BDH1: variants seen among roughly 807,000 people sequenced by gnomAD.
BDH1 encodes 3-hydroxybutyrate dehydrogenase 1, also known as D-beta-hydroxybutyrate dehydrogenase, mitochondrial.
A neutral mutation model predicts 33.1 loss-of-function variants in BDH1; 30 were observed. The observed-to-expected ratio is 0.91, with a 90% CI of 0.68 to 1.23. The LOEUF (loss-of-function observed/expected upper bound fraction) is 1.23, where lower values mean the gene tolerates loss of function less well. Ranked by LOEUF, BDH1 falls within the 50% of genes most tolerant of loss-of-function variation. The pLI is 0.00. For synonymous variants in BDH1, 190 were observed against 183.6 expected (o/e 1.03, Z -0.28); for missense variants, 443 against 464.4 (o/e 0.95, Z 0.42).
chr3:197,568,301 T>G (rs1483990153), intron 1 of BDH1, among the ~76,000 whole-genome samples: 4 of 152,098 alleles, frequency 2.6e-5, no homozygotes, highest in Admixed American at 2.6e-4. Flanking sequence ...GTTTTTTTTT[T>G]TTGGCTGGAA....
rs769092214 is a variant in BDH1, at chr3:197,522,592, T to C, written c.409+48A>G. The C allele has an allele frequency of 2.2e-5, 36 of 1,607,546 alleles. No homozygotes were observed. The East Asian group carries it at 7.1e-4, about 32-fold the overall frequency. The stretch of plus-strand genomic sequence containing the variant: ...GAAGGTGGTGTTCGGCAAGTGCCCC[T>C]TGGAATGGCCCCATACACAACCCCT... On this transcript the variant is annotated intron_variant, in intron 6 of 7. Coordinates refer to ENST00000392379, the MANE Select transcript of BDH1 (RefSeq NM_203314.3). This position sits in a 1 kb window ranked among gnomAD's most constrained non-coding sequence, Gnocchi z 4.8.
At chr3:197,567,256 G>A (rs1717462877) in intron 1 of BDH1, among the ~76,000 whole-genome samples, 1 of 152,136 alleles carries the variant, frequency 6.6e-6, no homozygotes, top group African/African-American at 2.4e-5. Context: ...GAAAAGGAGG[G>A]AAACGTGAAA....
In BDH1 at chr3:197,520,624, A is replaced by G. The variant is rs1304614732; in HGVS notation, c.409+2016T>C. On this transcript the variant is annotated intron_variant, in intron 6 of 7. Coordinates refer to ENST00000392379, the MANE Select transcript of BDH1 (RefSeq NM_203314.3). This position sits in a 1 kb window ranked among gnomAD's most constrained non-coding sequence, Gnocchi z 6.0. ...GGGTCTCCGGTGATGACGCCTTTCCACGGGCATTTTAGATCACCACAAAAC... is the reference window on the plus strand; with the variant it reads ...GGGTCTCCGGTGATGACGCCTTTCCGCGGGCATTTTAGATCACCACAAAAC... Among the ~76,000 whole-genome samples, 1 of 152,092 alleles carries G rather than the reference A, an allele frequency of 6.6e-6. No homozygotes were observed. Among genetic ancestry groups the G allele is most frequent in the African/African-American group, 2.4e-5 (1 of 41,414 alleles).
intron 1 of BDH1, chr3:197,555,476 G>A (rs540619345): frequency 9.2e-5 from 14 of 152,400 alleles, no homozygotes; most frequent in African/African-American, 3.1e-4. Context: ...GGAGCTGCAG[G>A]GCCGCGTGTT....
chr3:197,531,321 G>A (rs180720572), intron 5 of BDH1, among the ~76,000 whole-genome samples: 562 of 151,624 alleles, frequency 3.7e-3, no homozygotes, highest in African/African-American at 0.011. Flanking sequence ...ACTTGAACCC[G>A]GGAGGCAGAG....
chr3:197,547,569 T>C (rs1425096643), intron 2 of BDH1, among the ~76,000 whole-genome samples: 1 of 152,254 alleles, frequency 6.6e-6, no homozygotes. Flanking sequence ...GGTGTTACCT[T>C]TCCAGAACTA....
chr3:197,514,675 C>G lies in BDH1; in HGVS notation c.410-259G>C, dbSNP rs1712498443. ...GCCTGGCTCGAGTCTCTGGGCCCAT[C>G]ATGACCCAGCCTGCCGTGTCCCCCG... On this transcript the variant is annotated intron_variant, in intron 6 of 7. Coordinates refer to ENST00000392379, the MANE Select transcript of BDH1 (RefSeq NM_203314.3). This position sits in a 1 kb window ranked among gnomAD's most constrained non-coding sequence, Gnocchi z 4.2. 6.6e-6 allele frequency among the ~76,000 whole-genome samples: 1 copy of G among 152,184 alleles called. No homozygotes were observed. The highest frequency in any genetic ancestry group is 1.5e-5 in the Non-Finnish European group (1 of 68,026).
intron 5 of BDH1, among the ~76,000 whole-genome samples, chr3:197,524,523 G>T (rs34255245): frequency 2.0e-5 from 3 of 152,216 alleles, no homozygotes; most frequent in Non-Finnish European, 2.9e-5. Flanking sequence ...GGGGCCGGAG[G>T]TGCTGGACGT....
Position 197,522,507 on chromosome 3 carries a change from TGC to T in BDH1, c.409+131_409+132del. Reference sequence around the variant, plus strand: ...TAGTGTAATCCTCTTCCTCCTACTGTGCAGGAGGAAGAGCCTAAACAATAAGG... The same window carrying T: ...TAGTGTAATCCTCTTCCTCCTACTGTAGGAGGAAGAGCCTAAACAATAAGG... On this transcript the variant is annotated intron_variant, in intron 6 of 7. Coordinates refer to ENST00000392379, the MANE Select transcript of BDH1 (RefSeq NM_203314.3). The surrounding 1 kb of genome is among the most constrained non-coding windows in gnomAD (Gnocchi z 4.8). 2.2e-5 allele frequency: 24 copies of T among 1,113,632 alleles called. No individual in the cohort carries two copies. The highest frequency in any genetic ancestry group is 3.0e-5 in the Non-Finnish European group (23 of 769,504). 69.0% of individuals were successfully genotyped at this position (1,113,632 alleles called of 1,614,324 possible). A position where few individuals can be genotyped will look rare whatever the true frequency, so the allele number is the denominator to read the frequency against.
In BDH1 at chr3:197,522,639, C is replaced by T. The variant is rs1167959791; in HGVS notation, c.409+1G>A. The T allele has an allele frequency of 2.5e-6, 4 of 1,614,036 alleles. No homozygotes were observed. Among genetic ancestry groups the T allele is most frequent in the Non-Finnish European group, 3.4e-6 (4 of 1,180,032 alleles). On this transcript the variant is annotated splice_donor_variant, in intron 6 of 7. Coordinates refer to ENST00000392379, the MANE Select transcript of BDH1 (RefSeq NM_203314.3). LOFTEE classifies it high-confidence loss of function. The surrounding 1 kb of genome is among the most constrained non-coding windows in gnomAD (Gnocchi z 4.8). ...CCCTGCCGTCCGAAGGGGCGCCCTA[C>T]CTTTCTCAGGGTCCTTCAGGCTCGA...
intron 2 of BDH1, among the ~76,000 whole-genome samples, chr3:197,553,989 G>A (rs1347792284): frequency 6.6e-6 from 1 of 152,174 alleles, no homozygotes; most frequent in Non-Finnish European, 1.5e-5. Flanking sequence ...GAGGACACAA[G>A]CTGAGCCCCC....
intron 1 of BDH1, among the ~76,000 whole-genome samples, chr3:197,562,182 T>C (rs145667669): frequency 0.023 from 3,486 of 152,332 alleles, 47 homozygotes; most frequent in Non-Finnish European, 0.034. Context: ...TACGGGTGGC[T>C]GAGCACAGTT....
chr3:197,570,918 G>A (rs1188185548), intron 1 of BDH1, among the ~76,000 whole-genome samples: 1 of 152,198 alleles, frequency 6.6e-6, no homozygotes, highest in Non-Finnish European at 1.5e-5. Flanking sequence ...CTGACAGCTT[G>A]CACCATGTGC....
chr3:197,534,462 C>G (rs776645409), intron 3 of BDH1, among the ~76,000 whole-genome samples: 1 of 152,144 alleles, frequency 6.6e-6, no homozygotes, highest in Non-Finnish European at 1.5e-5. Context: ...TGACAATTTG[C>G]TTAACTATTT....
chr3:197,556,527 G>A (rs981980203), upstream of BDH1, among the ~76,000 whole-genome samples: 9 of 152,192 alleles, frequency 5.9e-5, no homozygotes, highest in African/African-American at 2.2e-4. Context: ...AGTTAGCAGG[G>A]CGCGGTGGCG....
Position 197,512,383 on chromosome 3 carries a change from G to T in BDH1, c.563-19C>A. 6.3e-7 allele frequency: 1 copy of T among 1,589,434 alleles called. No individual in the cohort carries two copies. On this transcript the variant is annotated intron_variant, in intron 7 of 7. Transcript: ENST00000392379. The stretch of plus-strand genomic sequence containing the variant: ...ACGCGGCCTACAGAGGGAGACAGAG[G>T]TACCTGCTAAGCCGTTACTGCCCTA...
upstream of BDH1, among the ~76,000 whole-genome samples, chr3:197,558,527 A>T (rs1007139951): frequency 4.0e-5 from 6 of 150,196 alleles, no homozygotes; most frequent in African/African-American, 1.5e-4. Context: ...TCCCTATTTG[A>T]CTCTTCCCAG....
At position 197,522,640 on chromosome 3, in the gene BDH1, C is replaced by A; in HGVS notation, c.409G>T (p.Gly137Cys). The change falls in exon 6 of 8, where the codon GGC (glycine) becomes TGC (cysteine). Residue 137 changes from glycine to cysteine, a missense_variant and splice_region_variant. Physicochemically the swap from Gly to Cys is radical, Grantham distance 159 (BLOSUM62 -3). Transcript: ENST00000392379. This position sits in a 1 kb window ranked among gnomAD's most constrained non-coding sequence, Gnocchi z 4.8. ...VRSSLKDPEKGMWGLVNNAGI... is the reference protein window; with the variant it reads ...VRSSLKDPEKCMWGLVNNAGI... ...CCTGCCGTCCGAAGGGGCGCCCTAC[C>A]TTTCTCAGGGTCCTTCAGGCTCGAG... The A allele has an allele frequency of 6.2e-7, 1 of 1,614,158 alleles. No individual in the cohort carries two copies. The highest frequency in any genetic ancestry group is 8.5e-7 in the Non-Finnish European group (1 of 1,180,018).
chr3:197,562,167 A>G lies in BDH1; in HGVS notation c.-44+11014T>C, dbSNP rs925077162. Among the ~76,000 whole-genome samples the G allele has an allele frequency of 1.2e-4, 18 of 152,334 alleles. No individual in the cohort carries two copies. In the South Asian group the frequency reaches 2.5e-3, roughly 21 times the overall value. The stretch of plus-strand genomic sequence containing the variant: ...GCATGTAATGGCAGACGAGAACTAC[A>G]AAGTTACGGGTGGCTGAGCACAGTT... On this transcript the variant is annotated intron_variant, in intron 1 of 6. Coordinates refer to the BDH1 transcript ENST00000358186.
Sources: allele counts gnomAD v4.1 joint callset (sites outside exome capture counted in the v4.1 genomes callset), GRCh38; gene constraint gnomAD v4.1.1; non-coding constraint Gnocchi (gnomAD v3.1); transcripts MANE v1.5; gene names NCBI Gene and HGNC (gene_info 2026-07-23, HGNC 2026-07-21).